Variants in GRID2 observed in about 807,000 individuals in gnomAD.
The protein encoded by GRID2 is glutamate receptor ionotropic, delta-2.
In GRID2, 33 loss-of-function variants were observed where a neutral mutation model predicts 114.8. The ratio of observed to expected loss-of-function variants is 0.29; its 90% confidence interval spans 0.22 to 0.38. The LOEUF (loss-of-function observed/expected upper bound fraction) is 0.38. Among genes scored for constraint, GRID2 ranks in the 10% least tolerant of loss-of-function variants. The pLI is 1.00. For missense variants in GRID2, 1,184 were observed against 1,257.7 expected, an observed-to-expected ratio of 0.94 and a Z score of 0.89; for synonymous variants, 505 against 449.9, an observed-to-expected ratio of 1.12 and a Z score of -1.55.
intron 1 of GRID2, among the ~76,000 whole-genome samples, chr4:92,536,009 A>G (rs1725604974): frequency 6.6e-6 from 1 of 152,176 alleles, no homozygotes; most frequent in African/African-American, 2.4e-5. Context: ...GTTACAGCTC[A>G]TAAAGGCGTT....
chr4:92,980,405 T>C (rs1188285535), intron 2 of GRID2, among the ~76,000 whole-genome samples: 3 of 152,086 alleles, frequency 2.0e-5, no homozygotes, highest in East Asian at 1.9e-4. Context: ...ATATATCATA[T>C]AGATCACATT....
intron 13 of GRID2, among the ~76,000 whole-genome samples, chr4:93,605,813 T>C (rs1740172892): frequency 6.6e-6 from 1 of 152,164 alleles, no homozygotes; most frequent in Admixed American, 6.5e-5. Context: ...TATAATGCAA[T>C]GTGCTAAAAT....
intron 1 of GRID2, among the ~76,000 whole-genome samples, chr4:93,796,019 T>C (rs1259114629): frequency 6.6e-6 from 1 of 152,112 alleles, no homozygotes; most frequent in Admixed American, 6.5e-5. Flanking sequence ...ATTCAGTTCC[T>C]TGCACTGACA....
At chr4:92,659,430 A>G (rs2149267979) in intron 2 of GRID2, among the ~76,000 whole-genome samples, 1 of 151,590 alleles carries the variant, frequency 6.6e-6, no homozygotes, top group African/African-American at 2.4e-5. Context: ...AATCAACACA[A>G]ACTGATCTCT....
chr4:92,655,000 T>A (rs2149264841), intron 2 of GRID2, among the ~76,000 whole-genome samples: 1 of 152,112 alleles, frequency 6.6e-6, no homozygotes, highest in South Asian at 2.1e-4. Flanking sequence ...TTTTTACGGT[T>A]TCTTATAGTA....
At chr4:92,313,600 G>T (rs961595161) in intron 1 of GRID2, among the ~76,000 whole-genome samples, 2 of 151,836 alleles carry the variant, frequency 1.3e-5, no homozygotes, top group African/African-American at 4.8e-5. Flanking sequence ...AGTCCAAGGA[G>T]AGCAGCGGAT....
intron 2 of GRID2, among the ~76,000 whole-genome samples, chr4:92,611,376 CAG>C (rs1183814095): frequency 2.0e-5 from 3 of 151,660 alleles, no homozygotes; most frequent in East Asian, 2.0e-4. Flanking sequence ...TGCATGAAAA[CAG>C]AGTGTGCTCA....
At chr4:92,606,683 C>T (rs1729469175) in intron 2 of GRID2, among the ~76,000 whole-genome samples, 1 of 151,908 alleles carries the variant, frequency 6.6e-6, no homozygotes, top group Non-Finnish European at 1.5e-5. Context: ...CTTTCGTTGG[C>T]TGCACTCCAC....
At chr4:92,616,507 G>T (rs1260495873) in intron 2 of GRID2, among the ~76,000 whole-genome samples, 1 of 151,338 alleles carries the variant, frequency 6.6e-6, no homozygotes, top group Non-Finnish European at 1.5e-5. Context: ...TTGAATATAT[G>T]AATTTAATAC....
intron 6 of GRID2, among the ~76,000 whole-genome samples, chr4:93,220,398 G>C (rs1744736695): frequency 6.6e-6 from 1 of 152,016 alleles, no homozygotes. Flanking sequence ...TCACCAAAGG[G>C]TTCCTAAAGG....
chr4:93,447,366 T>C (rs1157718826), intron 10 of GRID2, among the ~76,000 whole-genome samples: 3 of 151,860 alleles, frequency 2.0e-5, no homozygotes, highest in Admixed American at 1.3e-4. Context: ...CATAAATCAA[T>C]AGGGTTAATT....
chr4:92,325,660 A>T (rs1358834011), intron 1 of GRID2, among the ~76,000 whole-genome samples: 2 of 151,458 alleles, frequency 1.3e-5, no homozygotes, highest in Non-Finnish European at 3.0e-5. Context: ...AATTTTTGTT[A>T]TTTTTTTTAT....
chr4:93,533,245 T>TCTTCCTTCCTTCCTTC (rs755045834), intron 13 of GRID2, among the ~76,000 whole-genome samples: 53 of 105,788 alleles, frequency 5.0e-4, no homozygotes, highest in Non-Finnish European at 5.1e-4. Flanking sequence ...TTTCTTTCTC[T>TCTTCCTTCCTTCCTTC]CTTCCTTCCT....
chr4:92,579,018 T>C lies in GRID2; in HGVS notation c.89-11113T>C, dbSNP rs1728046385. 2.0e-5 allele frequency among the ~76,000 whole-genome samples: 3 copies of C among 152,290 alleles called. No homozygotes were observed. In the South Asian group the frequency reaches 6.2e-4, roughly 32 times the overall value. ...TGTTTCTTTTTTATTTAAACAACAA[T>C]ATTTTTTGAGTTTTAATCTGAAGTC... is the stretch of plus-strand genomic sequence containing the variant. On this transcript the variant is annotated intron_variant, in intron 1 of 15. Coordinates refer to ENST00000282020, the MANE Select transcript of GRID2 (RefSeq NM_001510.4).
At chr4:92,347,888 C>A (rs567885438) in intron 1 of GRID2, among the ~76,000 whole-genome samples, 3 of 152,022 alleles carry the variant, frequency 2.0e-5, no homozygotes, top group Non-Finnish European at 2.9e-5. Context: ...TGTAATATTA[C>A]GTTTTATGAA....
At chr4:93,703,830 C>A (rs1446089647) in intron 14 of GRID2, among the ~76,000 whole-genome samples, 1 of 152,028 alleles carries the variant, frequency 6.6e-6, no homozygotes, top group Non-Finnish European at 1.5e-5. Context: ...TGAGCTCATC[C>A]TTATTTATGG....
At chr4:93,217,733 T>C (rs1370753497) in intron 6 of GRID2, among the ~76,000 whole-genome samples, 2 of 152,032 alleles carry the variant, frequency 1.3e-5, no homozygotes, top group Non-Finnish European at 2.9e-5. Flanking sequence ...GGACTCTTCC[T>C]GCAAAAACAA....
At chr4:93,451,914 C>A (rs553607266) in intron 10 of GRID2, among the ~76,000 whole-genome samples, 1 of 152,132 alleles carries the variant, frequency 6.6e-6, no homozygotes, top group African/African-American at 2.4e-5. Context: ...TGATGTTGGC[C>A]ATGTTAAATG....
chr4:92,510,420 T>A (rs1724186151), intron 1 of GRID2, among the ~76,000 whole-genome samples: 1 of 151,848 alleles, frequency 6.6e-6, no homozygotes, highest in African/African-American at 2.4e-5. Flanking sequence ...GAAATACACA[T>A]TGCAGGCTAA....
Sources: allele counts gnomAD v4.1 joint callset (sites outside exome capture counted in the v4.1 genomes callset), GRCh38; gene constraint gnomAD v4.1.1; transcripts MANE v1.5; gene names NCBI Gene and HGNC (gene_info 2026-07-23, HGNC 2026-07-21).